The following CFAP206 variants were observed in gnomAD, a reference collection of about 807,000 sequenced individuals.
CFAP206 encodes the protein cilia- and flagella-associated protein 206.
CFAP206 carries 53 observed loss-of-function variants against 65.4 expected under a neutral mutation model. That is an observed-to-expected ratio of 0.81 (90% CI 0.65 to 1.02). The LOEUF is 1.02. Among genes scored for constraint, CFAP206 ranks in the 50% least tolerant of loss-of-function variants. CFAP206 has a pLI of 0.00. For missense variants in CFAP206, 663 were observed against 753.2 expected (o/e 0.88, Z 1.40); for synonymous variants, 250 against 254.4 (o/e 0.98, Z 0.17).
chr6:87,424,499 G>A (rs1768004391), intron 7 of CFAP206, among the ~76,000 whole-genome samples: 1 of 151,922 alleles, frequency 6.6e-6, no homozygotes, highest in Non-Finnish European at 1.5e-5. Flanking sequence ...GGATGGTCTC[G>A]ATCTCCTGAC....
At chr6:87,417,362 T>G (rs1025556503) in intron 6 of CFAP206, among the ~76,000 whole-genome samples, 4 of 152,168 alleles carry the variant, frequency 2.6e-5, no homozygotes, top group Middle Eastern at 3.2e-3. Flanking sequence ...TTATGAAATT[T>G]GGTACTCCTG....
intron 8 of CFAP206, among the ~76,000 whole-genome samples, chr6:87,426,937 C>T (rs1165812124): frequency 1.3e-5 from 2 of 152,066 alleles, no homozygotes; most frequent in Non-Finnish European, 2.9e-5. Context: ...AAAATGTATT[C>T]ATAGTAGCTG....
intron 11 of CFAP206, among the ~76,000 whole-genome samples, chr6:87,447,796 T>A (rs1768469057): frequency 6.6e-6 from 1 of 152,076 alleles, no homozygotes; most frequent in African/African-American, 2.4e-5. Flanking sequence ...CAGCTGGAAA[T>A]CTGTCTGGTC....
chr6:87,412,092 C>G (rs1017103990), intron 3 of CFAP206, among the ~76,000 whole-genome samples: 1 of 152,150 alleles, frequency 6.6e-6, no homozygotes, highest in Non-Finnish European at 1.5e-5. Context: ...CCCCAATTCC[C>G]CAACTCAACT....
chr6:87,429,537 T>C (rs1340451947), intron 9 of CFAP206, among the ~76,000 whole-genome samples: 1 of 152,182 alleles, frequency 6.6e-6, no homozygotes, highest in Non-Finnish European at 1.5e-5. Flanking sequence ...ATAAATGTTA[T>C]CCCTGTAAAA....
intron 7 of CFAP206, among the ~76,000 whole-genome samples, chr6:87,425,237 T>G (rs1236476641): frequency 6.6e-6 from 1 of 152,134 alleles, no homozygotes; most frequent in East Asian, 1.9e-4. Flanking sequence ...AAAAGAATAT[T>G]AAGACAAATT....
chr6:87,438,347 G>A (rs1259877950), intron 11 of CFAP206, among the ~76,000 whole-genome samples: 4 of 150,994 alleles, frequency 2.6e-5, no homozygotes, highest in Non-Finnish European at 5.9e-5. Flanking sequence ...TGTATTCCCA[G>A]CTACTCGGGA....
chr6:87,435,273 G>A, intron 11 of CFAP206: 1 of 370,540 alleles, frequency 2.7e-6, no homozygotes. Flanking sequence ...TTAGGAAATG[G>A]GGAAAATCTG....
In CFAP206 at chr6:87,407,979, C is replaced by A; in HGVS notation, c.-116C>A. The A allele has an allele frequency of 1.0e-6, 1 of 984,574 alleles. No homozygotes were observed. The highest frequency in any genetic ancestry group is 1.2e-6 in the Non-Finnish European group (1 of 829,138). The allele number at this position is 984,574 out of a possible 1,614,324, so 61.0% of individuals were successfully genotyped here. On this transcript the variant is annotated 5_prime_UTR_variant, in exon 1 of 13. Transcript: ENST00000369562. ...CCCCCTCTGGTCCGGAGCCTTCCAT[C>A]TCCATGGTTACGCGGCGGTGGCTGC...
At chr6:87,431,693 G>A (rs1768162528) in intron 10 of CFAP206, among the ~76,000 whole-genome samples, 1 of 152,190 alleles carries the variant, frequency 6.6e-6, no homozygotes, top group South Asian at 2.1e-4. Context: ...TTGAACCCGG[G>A]AGGCAGAGAT....
intron 11 of CFAP206, among the ~76,000 whole-genome samples, chr6:87,458,023 C>T (rs1371646736): frequency 6.6e-6 from 1 of 152,076 alleles, no homozygotes; most frequent in Non-Finnish European, 1.5e-5. Context: ...TCTGGATAGA[C>T]ATTTCTCAAA....
In CFAP206 at chr6:87,464,014, CT is replaced by C. The variant is rs201281714; in HGVS notation, c.1639-3del. On this transcript the variant is annotated splice_polypyrimidine_tract_variant and splice_region_variant and intron_variant, in intron 12 of 12. Coordinates refer to ENST00000369562, the MANE Select transcript of CFAP206 (RefSeq NM_001031743.3). ...ATGTTAATTCCTGTATTCTCTTTCT[CT>C]TTAGGCTAATTTGCGCCAGAAAGTT... is the stretch of plus-strand genomic sequence containing the variant. 3 of 1,603,258 alleles carry C rather than the reference CT, an allele frequency of 1.9e-6. No homozygotes were observed. Among genetic ancestry groups the C allele is most frequent in the Non-Finnish European group, 2.6e-6 (3 of 1,171,822 alleles).
At chr6:87,447,364 A>G (rs1768462757) in intron 11 of CFAP206, among the ~76,000 whole-genome samples, 1 of 152,160 alleles carries the variant, frequency 6.6e-6, no homozygotes, top group Non-Finnish European at 1.5e-5. Context: ...TCTTCCATCA[A>G]TACCTAGTTG....
chr6:87,429,673 G>A (rs1315438047), intron 9 of CFAP206, among the ~76,000 whole-genome samples: 1 of 152,020 alleles, frequency 6.6e-6, no homozygotes, highest in Non-Finnish European at 1.5e-5. Context: ...ACATTTATGA[G>A]GAATGCCAAA....
At chr6:87,445,442 T>A (rs1187198801) in intron 11 of CFAP206, among the ~76,000 whole-genome samples, 1 of 152,078 alleles carries the variant, frequency 6.6e-6, no homozygotes, top group Non-Finnish European at 1.5e-5. Flanking sequence ...CACTTATAAG[T>A]GAGAACACGT....
At chr6:87,434,511 T>C (rs1768218314) in intron 10 of CFAP206, among the ~76,000 whole-genome samples, 1 of 151,126 alleles carries the variant, frequency 6.6e-6, no homozygotes, top group Admixed American at 6.6e-5. Flanking sequence ...TCTTTTTTTT[T>C]TTTTTTGAGA....
At position 87,426,630 on chromosome 6, in the gene CFAP206, A is replaced by G. The variant is rs78668822; in HGVS notation, c.945A>G (p.Pro315=). ...KMTIKSKIAV[P]TSQVFPIFIA... ...CCATAAAATCAAAGATAGCGGTCCC[A>G]ACATCACAAGTCTTTGTAAGTATTT... The change falls in exon 8 of 13, where the codon CCA becomes CCG. Residue 315 remains proline (P), a synonymous_variant. Transcript: ENST00000369562. 9 of 1,588,998 alleles carry G rather than the reference A, an allele frequency of 5.7e-6. No homozygotes were observed. In the East Asian group the frequency reaches 1.8e-4, roughly 32 times the overall value.
At chr6:87,428,886 CTTTTG>C in intron 9 of CFAP206, 62 bp downstream of exon 9, 3 of 1,430,836 alleles carry the variant, frequency 2.1e-6, no homozygotes, top group Admixed American at 3.5e-5. Context: ...TAAAGTCACT[CTTTTG>C]TTCTAAAAAT....
chr6:87,445,928 T>C (rs1259236121), intron 11 of CFAP206, among the ~76,000 whole-genome samples: 2 of 152,224 alleles, frequency 1.3e-5, no homozygotes, highest in African/African-American at 4.8e-5. Flanking sequence ...CTCATTGTGG[T>C]TTTGACTTGC....
Sources: gnomAD v4.1 joint callset for allele counts (sites outside exome capture counted in the v4.1 genomes callset) on GRCh38, gnomAD v4.1.1 for gene constraint, MANE v1.5 for transcripts, NCBI Gene and HGNC (gene_info 2026-07-23, HGNC 2026-07-21) for gene names.